The following VCAN variants were observed in gnomAD, a reference collection of about 807,000 sequenced individuals.
VCAN encodes the protein versican core protein.
VCAN carries 44 observed loss-of-function variants against 245.5 expected under a neutral mutation model. The observed-to-expected ratio is 0.18, with a 90% CI of 0.14 to 0.23. The LOEUF (loss-of-function observed/expected upper bound fraction) is 0.23, where lower values mean the gene tolerates loss of function less well. Among genes scored for constraint, VCAN ranks in the 10% least tolerant of loss-of-function variants. VCAN has a pLI of 1.00. For missense variants in VCAN, 3,793 were observed against 4,057.9 expected (o/e 0.93, Z 1.77); for synonymous variants, 1,413 against 1,437.0 (o/e 0.98, Z 0.38).
chr5:83,574,280 A>G (rs1452113116), intron 13 of VCAN, among the ~76,000 whole-genome samples: 2 of 152,146 alleles, frequency 1.3e-5, no homozygotes, highest in Non-Finnish European at 2.9e-5. Context: ...CGTGCCCCAA[A>G]TAATGCTCTA....
At chr5:83,550,377 A>T (rs560174552) in intron 10 of VCAN, among the ~76,000 whole-genome samples, 1 of 152,206 alleles carries the variant, frequency 6.6e-6, no homozygotes, top group Non-Finnish European at 1.5e-5. Context: ...GTTTTAAAGC[A>T]TAAGATGTCT....
intron 5 of VCAN, among the ~76,000 whole-genome samples, chr5:83,505,744 CT>C (rs1745463131): frequency 6.6e-6 from 1 of 152,238 alleles, no homozygotes; most frequent in Non-Finnish European, 1.5e-5. Flanking sequence ...CCACATTTCC[CT>C]TCTGCACTGC....
At chr5:83,475,911 C>CA (rs1744372753) in intron 1 of VCAN, among the ~76,000 whole-genome samples, 1 of 151,938 alleles carries the variant, frequency 6.6e-6, no homozygotes, top group African/African-American at 2.4e-5. Context: ...TTCCTGCTTT[C>CA]AAAAAAACGA....
At position 83,520,503 on chromosome 5, in the gene VCAN, C is replaced by A; in HGVS notation, c.2197C>A (p.Pro733Thr). 6.2e-7 allele frequency: 1 copy of A among 1,613,974 alleles called. No homozygotes were observed. The highest frequency in any genetic ancestry group is 1.1e-5 in the South Asian group (1 of 91,072). ...GAAACTCTCTACATCTCTCTCAGAG[C>A]CAATTCATGTTACAGAGTCTTCTGT... is the stretch of plus-strand genomic sequence containing the variant. ...GMKLSTSLSE[P>T]IHVTESSVEM... The change falls in exon 7 of 15, where the codon CCA becomes ACA. Residue 733 changes from proline to threonine, a missense_variant. This residue lies in a region of VCAN where 3,182 missense variants were observed against 3,250.3 expected (regional missense o/e 0.98). Coordinates refer to ENST00000265077, the MANE Select transcript of VCAN (RefSeq NM_004385.5).
chr5:83,522,709 G>A (rs762858692), intron 7 of VCAN, among the ~76,000 whole-genome samples: 8 of 152,102 alleles, frequency 5.3e-5, no homozygotes, highest in Admixed American at 5.2e-4. Flanking sequence ...CAATGTGGAC[G>A]GCTAAAATCG....
intron 6 of VCAN, among the ~76,000 whole-genome samples, chr5:83,514,016 C>T (rs1167486154): frequency 6.6e-6 from 1 of 152,242 alleles, no homozygotes; most frequent in East Asian, 1.9e-4. Flanking sequence ...CAAAGCCTGT[C>T]TGTAGCCACA....
At chr5:83,524,030 ATAAGT>A (rs950760795) in intron 7 of VCAN, among the ~76,000 whole-genome samples, 2 of 152,186 alleles carry the variant, frequency 1.3e-5, no homozygotes, top group African/African-American at 4.8e-5. Flanking sequence ...AGTGTAGCTA[ATAAGT>A]TGAGTTGAAT....
chr5:83,488,184 C>T (rs190782426), intron 2 of VCAN, among the ~76,000 whole-genome samples: 1 of 152,090 alleles, frequency 6.6e-6, no homozygotes, highest in East Asian at 1.9e-4. Flanking sequence ...TCATCATCTC[C>T]CTAATTAGGT....
At position 83,580,017 on chromosome 5, in the gene VCAN, G is replaced by C. The variant is rs1748612637; in HGVS notation, c.9918G>C (p.Lys3306Asn). Residue 3306 changes from lysine to asparagine, a missense_variant, in exon 14 of 15, where the codon AAG (lysine) becomes AAC (asparagine). Physicochemically the swap from Lys to Asn is moderately conservative, Grantham distance 94. Coordinates refer to ENST00000265077, the MANE Select transcript of VCAN (RefSeq NM_004385.5). ...AGCCCCCTGTTGTAGAAAATGCCAA[G>C]ACCTTTGGAAAGATGAAACCTCGTT... ...CGQPPVVENA[K>N]TFGKMKPRYE... The C allele has an allele frequency of 1.9e-6, 3 of 1,614,102 alleles. No homozygotes were observed. The highest frequency in any genetic ancestry group is 2.5e-6 in the Non-Finnish European group (3 of 1,180,002).
At chr5:83,473,235 TGTCACTGGGCGTGGAGCGGTCTGG>T (rs2112324960) in intron 1 of VCAN, among the ~76,000 whole-genome samples, 1 of 152,212 alleles carries the variant, frequency 6.6e-6, no homozygotes, top group African/African-American at 2.4e-5. Flanking sequence ...CCGCGGTCTG[TGTCACTGGGCGTGGAGCGGTCTGG>T]GTGTTAGGCA....
At chr5:83,527,588 C>A (rs1746350944) in intron 7 of VCAN, among the ~76,000 whole-genome samples, 1 of 152,140 alleles carries the variant, frequency 6.6e-6, no homozygotes, top group South Asian at 2.1e-4. Flanking sequence ...GAGCTTAACA[C>A]TGTACTATAG....
At chr5:83,499,531 T>C (rs1745266041) in intron 5 of VCAN, among the ~76,000 whole-genome samples, 1 of 152,178 alleles carries the variant, frequency 6.6e-6, no homozygotes, top group South Asian at 2.1e-4. Context: ...TTCAAAAAGA[T>C]CTACTTTTTA....
chr5:83,577,436 C>T (rs1748525298), intron 13 of VCAN, among the ~76,000 whole-genome samples: 1 of 152,170 alleles, frequency 6.6e-6, no homozygotes, highest in Non-Finnish European at 1.5e-5. Flanking sequence ...ATGAAAATCA[C>T]AACTCGGGTC....
chr5:83,533,619 C>T (rs990033375), intron 7 of VCAN, among the ~76,000 whole-genome samples: 2 of 152,020 alleles, frequency 1.3e-5, no homozygotes, highest in Admixed American at 6.6e-5. Context: ...GTGCAAAAAC[C>T]GATATGAAGC....
chr5:83,549,300 T>C (rs1747365540), intron 10 of VCAN, among the ~76,000 whole-genome samples: 2 of 152,216 alleles, frequency 1.3e-5, no homozygotes, highest in Admixed American at 1.3e-4. Context: ...CTGATCCTGG[T>C]GACTTAGCAT....
chr5:83,544,874 CTT>C (rs1408664707), intron 8 of VCAN: 1 of 151,820 alleles, frequency 6.6e-6, no homozygotes, highest in Non-Finnish European at 1.5e-5. Context: ...ATAATAAAAA[CTT>C]GGGGTTTCAT....
Position 83,540,053 on chromosome 5 carries a change from T to C in VCAN, c.7050T>C (p.Pro2350=). ...AAGGACCCACGGTGGCACCTCTCCCTTTCTCCACGGACATCGGACATCCTC... is the reference window on the plus strand; with the variant it reads ...AAGGACCCACGGTGGCACCTCTCCCCTTCTCCACGGACATCGGACATCCTC... ...GAEGPTVAPL[P]FSTDIGHPQN... Residue 2350 remains proline (P), a synonymous_variant, in exon 8 of 15, where the codon CCT becomes CCC. Transcript: ENST00000265077. 1 of 1,614,038 alleles carries C rather than the reference T, an allele frequency of 6.2e-7. No individual in the cohort carries two copies. Among genetic ancestry groups the C allele is most frequent in the African/African-American group, 1.3e-5 (1 of 75,042 alleles).
intron 10 of VCAN, 59 bp from the exon 11 acceptor site, chr5:83,553,305 G>A (rs1273774740): frequency 1.2e-6 from 2 of 1,604,510 alleles, no homozygotes; most frequent in East Asian, 4.5e-5. Flanking sequence ...ACTTGGTTGG[G>A]GGTGCCAAGT....
chr5:83,536,971 T>C (rs772099251), intron 7 of VCAN, 36 bp from the exon 8 acceptor site: 15 of 1,535,778 alleles, frequency 9.8e-6, no homozygotes, highest in Non-Finnish European at 1.2e-5. Flanking sequence ...TGCCAAATTT[T>C]CTATTTAAGT....
Sources: gnomAD v4.1 joint callset for allele counts (sites outside exome capture counted in the v4.1 genomes callset) on GRCh38, gnomAD v4.1.1 for gene constraint, gnomAD v4.1.1 regional missense constraint, MANE v1.5 for transcripts, NCBI Gene and HGNC (gene_info 2026-07-23, HGNC 2026-07-21) for gene names.